TEX36: variants seen among roughly 807,000 people sequenced by gnomAD.
TEX36 encodes the protein testis-expressed protein 36.
Under a neutral mutation model 13.6 loss-of-function variants are expected in TEX36, and 12 were observed. The observed-to-expected ratio is 0.88, with a 90% CI of 0.56 to 1.43. TEX36 has a LOEUF of 1.43. Among genes scored for constraint, TEX36 ranks in the 40% most tolerant of loss-of-function variants. TEX36 has a pLI of 0.00. For synonymous variants in TEX36, 93 were observed against 83.0 expected (o/e 1.12, Z -0.65); for missense variants, 224 against 228.3 (o/e 0.98, Z 0.12).
chr10:125,628,482 CT>C (rs78539564), intron 3 of TEX36, among the ~76,000 whole-genome samples: 22,529 of 152,180 alleles, frequency 0.15, 3,045 homozygotes, highest in African/African-American at 0.36. Context: ...AAGTTGCTTT[CT>C]TTTGGAATAG....
intron 3 of TEX36, among the ~76,000 whole-genome samples, chr10:125,644,604 G>A (rs763111336): frequency 3.9e-5 from 6 of 152,176 alleles, no homozygotes; most frequent in Non-Finnish European, 7.3e-5. Flanking sequence ...CTTGTGGATT[G>A]TACCAATATC....
intron 3 of TEX36, among the ~76,000 whole-genome samples, chr10:125,577,570 A>T (rs1845839195): frequency 6.6e-6 from 1 of 152,258 alleles, no homozygotes; most frequent in Admixed American, 6.5e-5. Context: ...ATAATTTAAA[A>T]TGTGGAGTGA....
chr10:125,611,451 T>A (rs1185350331), intron 3 of TEX36, among the ~76,000 whole-genome samples: 1 of 152,250 alleles, frequency 6.6e-6, no homozygotes, highest in East Asian at 1.9e-4. Context: ...GTGTCTTTGA[T>A]GACAACAGAA....
intron 3 of TEX36, among the ~76,000 whole-genome samples, chr10:125,577,411 A>G (rs1019138696): frequency 1.1e-4 from 16 of 152,160 alleles, no homozygotes; most frequent in Non-Finnish European, 1.8e-4. Context: ...AGGTGGGAGC[A>G]TCACTTTAGC....
intron 3 of TEX36, among the ~76,000 whole-genome samples, chr10:125,602,634 G>A (rs1846163910): frequency 6.6e-6 from 1 of 152,178 alleles, no homozygotes; most frequent in Non-Finnish European, 1.5e-5. Context: ...CACACTGTGA[G>A]TGCCGGCTCT....
chr10:125,632,126 G>A (rs913372), intron 3 of TEX36, among the ~76,000 whole-genome samples: 8,302 of 152,090 alleles, frequency 0.055, 321 homozygotes, highest in South Asian at 0.16. Context: ...GGGCATCTAT[G>A]AGGACTCCCA....
intron 3 of TEX36, among the ~76,000 whole-genome samples, chr10:125,631,536 A>G (rs1040343010): frequency 1.3e-5 from 2 of 152,234 alleles, no homozygotes; most frequent in African/African-American, 4.8e-5. Context: ...AGGAGGATGC[A>G]ACTCATTCTC....
intron 1 of TEX36, among the ~76,000 whole-genome samples, chr10:125,663,363 T>G (rs1309162340): frequency 6.6e-6 from 1 of 152,266 alleles, no homozygotes; most frequent in Non-Finnish European, 1.5e-5. Flanking sequence ...GCAATAAACA[T>G]GCAAGTGCAG....
At position 125,639,846 on chromosome 10, in the gene TEX36, G is replaced by A. The variant is rs191978865; in HGVS notation, c.265-18201C>T. Among the ~76,000 whole-genome samples the A allele has an allele frequency of 3.9e-5, 6 of 152,326 alleles. No homozygotes were observed. The East Asian group carries it at 9.6e-4, about 24-fold the overall frequency. On this transcript the variant is annotated intron_variant, in intron 3 of 3. Transcript: ENST00000526819. Reference sequence around the variant, plus strand: ...AAGATTTCTCCTGTGAGATTATGTTGAGACTTCTCAATCCTCTTTGGGAAC... The same window carrying A: ...AAGATTTCTCCTGTGAGATTATGTTAAGACTTCTCAATCCTCTTTGGGAAC...
chr10:125,618,484 T>C (rs1846385756), downstream of TEX36, among the ~76,000 whole-genome samples: 1 of 152,170 alleles, frequency 6.6e-6, no homozygotes, highest in Non-Finnish European at 1.5e-5. Context: ...GTCCTTTCTG[T>C]TTGTTAGTTT....
chr10:125,587,184 T>C (rs374468142), intron 3 of TEX36, among the ~76,000 whole-genome samples: 1 of 152,140 alleles, frequency 6.6e-6, no homozygotes, highest in African/African-American at 2.4e-5. Context: ...CAGGTATTTC[T>C]TTACAGCAGT....
At chr10:125,612,374 G>A (rs1354040100) in intron 3 of TEX36, among the ~76,000 whole-genome samples, 2 of 151,986 alleles carry the variant, frequency 1.3e-5, no homozygotes, top group South Asian at 2.1e-4. Context: ...GTGAGCCATC[G>A]AACCCCAGCA....
At chr10:125,652,530 A>C (rs1846876402), downstream of TEX36, among the ~76,000 whole-genome samples, 1 of 152,298 alleles carries the variant, frequency 6.6e-6, no homozygotes, top group Middle Eastern at 3.4e-3. Context: ...AACCATAAAA[A>C]CCCCAGAAGA....
At chr10:125,651,896 T>C (rs1298793300), downstream of TEX36, among the ~76,000 whole-genome samples, 1 of 152,174 alleles carries the variant, frequency 6.6e-6, no homozygotes, top group Non-Finnish European at 1.5e-5. Context: ...CCATTCACAA[T>C]TGCTTCAAAG....
At chr10:125,596,752 CA>C (rs1846085240) in intron 3 of TEX36, among the ~76,000 whole-genome samples, 2 of 152,296 alleles carry the variant, frequency 1.3e-5, no homozygotes, top group South Asian at 4.1e-4. Flanking sequence ...CATGAGAAAT[CA>C]GCAGATAGGC....
At chr10:125,654,059 C>T (rs557671888), downstream of TEX36, among the ~76,000 whole-genome samples, 7 of 151,694 alleles carry the variant, frequency 4.6e-5, no homozygotes, top group South Asian at 2.1e-4. Context: ...CAATAAGATG[C>T]GAAAAATATA....
intron 1 of TEX36, chr10:125,666,731 A>C (rs1847127771): frequency 1.1e-5 from 2 of 184,360 alleles, no homozygotes; most frequent in East Asian, 1.6e-4. Context: ...TGGAGTTAGC[A>C]TTCACAGACG....
At chr10:125,630,855 AC>A (rs1299428546) in intron 3 of TEX36, among the ~76,000 whole-genome samples, 38 of 152,060 alleles carry the variant, frequency 2.5e-4, no homozygotes, top group Non-Finnish European at 1.5e-5. Context: ...AAGGGAAGAG[AC>A]CCAGTCTTCC....
chr10:125,645,353 G>A (rs961225482), intron 3 of TEX36, among the ~76,000 whole-genome samples: 1 of 152,100 alleles, frequency 6.6e-6, no homozygotes, highest in Admixed American at 6.5e-5. Context: ...ATCCATTCGT[G>A]GATTCATGGT....
Sources: allele counts gnomAD v4.1 joint callset (sites outside exome capture counted in the v4.1 genomes callset), GRCh38; gene constraint gnomAD v4.1.1; transcripts MANE v1.5; gene names NCBI Gene and HGNC (gene_info 2026-07-23, HGNC 2026-07-21).